MYO9A: variants seen among roughly 807,000 people sequenced by gnomAD.
The protein encoded by MYO9A is myosin IXA.
In MYO9A, 103 loss-of-function variants were observed where a neutral mutation model predicts 293.3. The observed-to-expected ratio is 0.35, with a 90% CI of 0.30 to 0.41. The LOEUF (loss-of-function observed/expected upper bound fraction) is 0.41. MYO9A is among the 10% of genes least tolerant of loss of function. MYO9A has a pLI of 1.00. For synonymous variants in MYO9A, 1,001 were observed against 1,035.7 expected (o/e 0.97, Z 0.64); for missense variants, 2,685 against 3,033.0 (o/e 0.89, Z 2.69).
intron 7 of MYO9A, among the ~76,000 whole-genome samples, chr15:72,010,113 G>C (rs1377021269): frequency 6.6e-6 from 1 of 152,034 alleles, no homozygotes; most frequent in Non-Finnish European, 1.5e-5. Context: ...ATAAATTCCT[G>C]CATTTATATG....
chr15:71,902,788 T>C (rs1458692170), intron 22 of MYO9A, among the ~76,000 whole-genome samples, 153 bp downstream of exon 22: 1 of 152,188 alleles, frequency 6.6e-6, no homozygotes, highest in Non-Finnish European at 1.5e-5. Flanking sequence ...GTGATTAATA[T>C]TGACTACATA....
rs1002779100 is a variant in MYO9A, at chr15:71,823,277, T to C, written c.*3303A>G. 1.3e-5 allele frequency: 2 copies of C among 152,238 alleles called. No homozygotes were observed. Among genetic ancestry groups the C allele is most frequent in the Non-Finnish European group, 2.9e-5 (2 of 68,036 alleles). 9.4% of individuals were successfully genotyped at this position (152,238 alleles called of 1,614,324 possible). ...GCACTGAGGTGGGACTACAGAACCTTGCTGGACCACATCTTTTCAGCACAT... is the reference window on the plus strand; with the variant it reads ...GCACTGAGGTGGGACTACAGAACCTCGCTGGACCACATCTTTTCAGCACAT... On this transcript the variant is annotated 3_prime_UTR_variant, in exon 42 of 42. Coordinates refer to ENST00000356056, the MANE Select transcript of MYO9A (RefSeq NM_006901.4).
At chr15:71,913,971 A>G (rs998965644) in intron 19 of MYO9A, among the ~76,000 whole-genome samples, 4 of 152,200 alleles carry the variant, frequency 2.6e-5, no homozygotes, top group Non-Finnish European at 5.9e-5. Flanking sequence ...TACAGGATTT[A>G]GGTGATTAGA....
chr15:71,870,347 C>CA (rs541587168), intron 32 of MYO9A, among the ~76,000 whole-genome samples: 135 of 150,786 alleles, frequency 9.0e-4, no homozygotes, highest in African/African-American at 7.8e-4. Context: ...TGAGCAAAGA[C>CA]AAAAAAAAGA....
chr15:71,921,229 C>T (rs1467716999), intron 18 of MYO9A, among the ~76,000 whole-genome samples: 3 of 152,166 alleles, frequency 2.0e-5, no homozygotes, highest in Non-Finnish European at 4.4e-5. Context: ...TGTGGAAGGA[C>T]GAACTTGAGT....
At chr15:72,005,951 C>T (rs1461692199) in intron 8 of MYO9A, among the ~76,000 whole-genome samples, 1 of 152,082 alleles carries the variant, frequency 6.6e-6, no homozygotes, top group Non-Finnish European at 1.5e-5. Context: ...TCATAACTGT[C>T]AAAAACTGGA....
chr15:71,918,913 T>C (rs1950647086), intron 18 of MYO9A, among the ~76,000 whole-genome samples: 1 of 152,172 alleles, frequency 6.6e-6, no homozygotes. Context: ...GTCATTCCAA[T>C]TTTTTTCATT....
At chr15:72,065,515 CAAA>C (rs780113322) in intron 1 of MYO9A, among the ~76,000 whole-genome samples, 3 of 56,594 alleles carry the variant, frequency 5.3e-5, no homozygotes, top group Non-Finnish European at 7.2e-5. Context: ...AACTCCGTCT[CAAA>C]AAAAAAAAAA....
At chr15:71,961,388 A>C (rs761478572) in intron 13 of MYO9A, among the ~76,000 whole-genome samples, 5 of 152,240 alleles carry the variant, frequency 3.3e-5, no homozygotes, top group Admixed American at 6.5e-5. Context: ...AGAAATGAAG[A>C]CCAAGAGATC....
chr15:71,870,232 G>C (rs2056465081), intron 32 of MYO9A, among the ~76,000 whole-genome samples: 1 of 151,788 alleles, frequency 6.6e-6, no homozygotes, highest in Admixed American at 6.6e-5. Flanking sequence ...AAAAAAAGTG[G>C]TAAAAGTTCC....
intron 21 of MYO9A, among the ~76,000 whole-genome samples, 193 bp from the exon 22 acceptor site, chr15:71,903,256 C>T (rs2057535923): frequency 1.3e-5 from 2 of 151,796 alleles, no homozygotes; most frequent in Non-Finnish European, 2.9e-5. Context: ...TTGGGTTCTA[C>T]ATATCATGAC....
At chr15:72,093,354 CCT>C (rs1386670073) in intron 1 of MYO9A, among the ~76,000 whole-genome samples, 2 of 151,206 alleles carry the variant, frequency 1.3e-5, no homozygotes, top group African/African-American at 4.9e-5. Flanking sequence ...ATAGTGAGAC[CCT>C]GTCTCTACAA....
chr15:71,965,322 A>G (rs2075845079), intron 13 of MYO9A, among the ~76,000 whole-genome samples: 1 of 152,144 alleles, frequency 6.6e-6, no homozygotes, highest in African/African-American at 2.4e-5. Context: ...GTTAAAATCT[A>G]TAATTTTTTC....
chr15:72,101,181 C>T (rs1313370383), intron 1 of MYO9A, among the ~76,000 whole-genome samples: 2 of 140,988 alleles, frequency 1.4e-5, no homozygotes, highest in Non-Finnish European at 3.1e-5. Flanking sequence ...TCTGCCTGGC[C>T]GCCCCTACTG....
At chr15:71,860,350 T>C (rs2056064470) in intron 33 of MYO9A, among the ~76,000 whole-genome samples, 1 of 152,090 alleles carries the variant, frequency 6.6e-6, no homozygotes, top group Admixed American at 6.5e-5. Context: ...ATGAAGAATA[T>C]TGAGTTGTGA....
At chr15:71,897,432 A>G in intron 25 of MYO9A, 29 bp downstream of exon 25, 1 of 1,552,958 alleles carries the variant, frequency 6.4e-7, no homozygotes, top group South Asian at 1.2e-5. Context: ...GAAGTTTCCC[A>G]TTTATACATA....
At chr15:71,833,213 TA>T (rs573775177) in intron 39 of MYO9A, among the ~76,000 whole-genome samples, 31 of 148,934 alleles carry the variant, frequency 2.1e-4, no homozygotes, top group African/African-American at 5.9e-4. Context: ...TTGGGCCATA[TA>T]AAAAAAAAGA....
rs750250438 is a variant in MYO9A at position 71,901,199 on chromosome 15, T to C, written c.3142A>G (p.Ile1048Val). 19 of 1,611,848 alleles carry C rather than the reference T, an allele frequency of 1.2e-5. No homozygotes were observed. The highest frequency in any genetic ancestry group is 1.7e-5 in the Admixed American group (1 of 59,552). ...HFLHLRQASVIIQRFWRNYLN... is the reference protein window; with the variant it reads ...HFLHLRQASVVIQRFWRNYLN... ...AATCCTTTGCTTCTCACCTGGATAA[T>C]AACAGATGCTTGTCTCAGATGGAGG... is the stretch of plus-strand genomic sequence containing the variant. Residue 1048 changes from isoleucine to valine, a missense_variant, in exon 23 of 42, where the codon ATT becomes GTT. Physicochemically the swap from Ile to Val is conservative, Grantham distance 29. Transcript: ENST00000356056.
rs542896020 is a variant in MYO9A, at chr15:71,910,943, A to G, written c.2685+5427T>C. Among the ~76,000 whole-genome samples the G allele has an allele frequency of 2.0e-5, 3 of 152,286 alleles. No individual in the cohort carries two copies. The South Asian group carries it at 6.2e-4, about 32-fold the overall frequency. On this transcript the variant is annotated intron_variant, in intron 19 of 41. Coordinates refer to ENST00000356056, the MANE Select transcript of MYO9A (RefSeq NM_006901.4). ...TTTATTGGAATAAAATCTACATACT[A>G]TTAAAATATACACATTGTAGTTCAC... is the stretch of plus-strand genomic sequence containing the variant.
Sources: allele counts gnomAD v4.1 joint callset (sites outside exome capture counted in the v4.1 genomes callset), GRCh38; gene constraint gnomAD v4.1.1; transcripts MANE v1.5; gene names NCBI Gene and HGNC (gene_info 2026-07-23, HGNC 2026-07-21).